Variants in MCPH1 observed in about 807,000 individuals in gnomAD.
MCPH1 encodes microcephalin.
A neutral mutation model predicts 84.5 loss-of-function variants in MCPH1; 104 were observed. The observed-to-expected ratio is 1.23, with a 90% CI of 1.05 to 1.45. The LOEUF (loss-of-function observed/expected upper bound fraction) is 1.45, where lower values mean the gene tolerates loss of function less well. Ranked by LOEUF, MCPH1 falls within the 40% of genes most tolerant of loss-of-function variation. The pLI is 0.00. For missense variants in MCPH1, 1,498 were observed against 1,005.7 expected, an observed-to-expected ratio of 1.49 and a Z score of -6.62; for synonymous variants, 514 against 366.8, an observed-to-expected ratio of 1.40 and a Z score of -4.58.
At chr8:6,479,396 C>A (rs969859891) in intron 10 of MCPH1, among the ~76,000 whole-genome samples, 2 of 149,894 alleles carry the variant, frequency 1.3e-5, no homozygotes, top group Non-Finnish European at 3.0e-5. Context: ...ATGTTTATTT[C>A]TTTTTCTATT....
intron 8 of MCPH1, among the ~76,000 whole-genome samples, chr8:6,452,691 G>A (rs1266771546): frequency 6.6e-6 from 1 of 152,170 alleles, no homozygotes; most frequent in African/African-American, 2.4e-5. Context: ...CCAGAGAACT[G>A]GCTTCCTCTC....
intron 12 of MCPH1, among the ~76,000 whole-genome samples, chr8:6,533,436 C>A (rs912952507): frequency 2.6e-5 from 4 of 152,142 alleles, no homozygotes; most frequent in Non-Finnish European, 5.9e-5. Flanking sequence ...AGTTGCTTAA[C>A]CTTTTGGGAC....
chr8:6,499,123 C>G (rs1194071203), intron 11 of MCPH1, among the ~76,000 whole-genome samples: 1 of 151,602 alleles, frequency 6.6e-6, no homozygotes, highest in Non-Finnish European at 1.5e-5. Context: ...ATTGTATAAT[C>G]CAGCTTTGTT....
At chr8:6,421,601 A>G (rs759469387) in intron 3 of MCPH1, among the ~76,000 whole-genome samples, 25 of 152,152 alleles carry the variant, frequency 1.6e-4, no homozygotes, top group Non-Finnish European at 3.4e-4. Flanking sequence ...ATGAAATTCA[A>G]TTTTAGTATC....
chr8:6,549,689 C>A (rs1341327200), intron 12 of MCPH1, among the ~76,000 whole-genome samples: 2 of 119,126 alleles, frequency 1.7e-5, no homozygotes, highest in Admixed American at 8.9e-5. Context: ...CCTTCCGTAT[C>A]GAGCTGGGCG....
chr8:6,583,994 C>T (rs147801609), intron 12 of MCPH1, among the ~76,000 whole-genome samples: 269 of 151,964 alleles, frequency 1.8e-3, no homozygotes, highest in African/African-American at 5.7e-3. Flanking sequence ...GATTGTGCTT[C>T]GAAACTCCCA....
chr8:6,429,290 C>T (rs909531213), intron 3 of MCPH1, among the ~76,000 whole-genome samples: 1 of 152,196 alleles, frequency 6.6e-6, no homozygotes, highest in Non-Finnish European at 1.5e-5. Context: ...CTTATGTGAA[C>T]ATGGACCCAG....
At chr8:6,435,382 C>G (rs1802496578) in intron 4 of MCPH1, among the ~76,000 whole-genome samples, 1 of 152,062 alleles carries the variant, frequency 6.6e-6, no homozygotes, top group African/African-American at 2.4e-5. Context: ...CAGGAGGAAA[C>G]TCTCAAATCC....
intron 4 of MCPH1, among the ~76,000 whole-genome samples, chr8:6,432,581 A>C (rs537930372): frequency 1.3e-5 from 2 of 152,262 alleles, no homozygotes; most frequent in Non-Finnish European, 2.9e-5. Flanking sequence ...GAAACATCAC[A>C]GCCAGCTTGT....
intron 11 of MCPH1, chr8:6,494,050 T>G (rs918456292): frequency 6.6e-6 from 1 of 152,168 alleles, no homozygotes; most frequent in African/African-American, 2.4e-5. Context: ...AAGCAATTCT[T>G]GTGCCTCAGC....
At chr8:6,635,057 T>C (rs1397416773) in intron 13 of MCPH1, 1 of 152,198 alleles carries the variant, frequency 6.6e-6, no homozygotes, top group Non-Finnish European at 1.5e-5. Flanking sequence ...GTGATGATGA[T>C]GAACCAGGTG....
intron 5 of MCPH1, among the ~76,000 whole-genome samples, chr8:6,437,169 G>T (rs143118445): frequency 4.2e-4 from 64 of 152,156 alleles, no homozygotes; most frequent in African/African-American, 1.4e-3. Flanking sequence ...TTTAATCTAT[G>T]TTACTATGTC....
intron 12 of MCPH1, among the ~76,000 whole-genome samples, chr8:6,509,310 C>G (rs1418593596): frequency 6.6e-6 from 1 of 152,196 alleles, no homozygotes; most frequent in Non-Finnish European, 1.5e-5. Flanking sequence ...CTATCAGAAG[C>G]GACTGTAGAG....
intron 13 of MCPH1, among the ~76,000 whole-genome samples, chr8:6,622,911 G>C (rs571741433): frequency 1.5e-3 from 230 of 152,196 alleles, no homozygotes; most frequent in Non-Finnish European, 2.6e-3. Context: ...CATGATCACA[G>C]CTTACTGCAG....
intron 12 of MCPH1, among the ~76,000 whole-genome samples, chr8:6,570,080 A>G (rs11997149): frequency 0.11 from 16,853 of 152,282 alleles, 1,063 homozygotes; most frequent in African/African-American, 0.18. Flanking sequence ...TAATCTTACT[A>G]TGTGCATTCT....
At chr8:6,627,058 C>G (rs1796779765) in intron 13 of MCPH1, 2 of 985,208 alleles carry the variant, frequency 2.0e-6, no homozygotes, top group Non-Finnish European at 2.4e-6. Flanking sequence ...GAACATGTCC[C>G]ATGTCGATGT....
chr8:6,551,155 G>C lies in MCPH1; in HGVS notation c.2214+51226G>C, dbSNP rs532776802. Among the ~76,000 whole-genome samples the C allele has an allele frequency of 8.5e-5, 13 of 152,272 alleles. No individual in the cohort carries two copies. The East Asian group carries it at 2.1e-3, about 25-fold the overall frequency. On this transcript the variant is annotated intron_variant, in intron 12 of 13. Transcript: ENST00000344683. ...GACCATCTGTGCTGATGCTGACTTA[G>C]GATTTTAAATCACTTAAATTTGAGC...
chr8:6,616,301 A>G (rs1189645093), intron 12 of MCPH1: 19 of 152,178 alleles, frequency 1.2e-4, no homozygotes, highest in Admixed American at 1.2e-3. Flanking sequence ...TTGAAATCCA[A>G]CACCCTGGGC....
chr8:6,637,382 G>C (rs186222650), intron 13 of MCPH1, among the ~76,000 whole-genome samples: 1 of 152,212 alleles, frequency 6.6e-6, no homozygotes, highest in Non-Finnish European at 1.5e-5. Flanking sequence ...ATGGACTCTT[G>C]TAGGTCTATT....
Sources: allele counts gnomAD v4.1 joint callset (sites outside exome capture counted in the v4.1 genomes callset), GRCh38; gene constraint gnomAD v4.1.1; transcripts MANE v1.5; gene names NCBI Gene and HGNC (gene_info 2026-07-23, HGNC 2026-07-21).